Variants in MRE11 observed in about 807,000 individuals in gnomAD.
The protein encoded by MRE11 is MRE11 double strand break repair nuclease.
In MRE11, 62 loss-of-function variants were observed where a neutral mutation model predicts 91.7. The ratio of observed to expected loss-of-function variants is 0.68; its 90% CI spans 0.55 to 0.84. The LOEUF (loss-of-function observed/expected upper bound fraction) is 0.84, where lower values mean the gene tolerates loss of function less well. Ranked by LOEUF, MRE11 falls within the 40% of genes least tolerant of loss-of-function variation. The pLI is 0.00. For missense variants in MRE11, 796 were observed against 852.9 expected (o/e 0.93, Z 0.83); for synonymous variants, 273 against 271.4 (o/e 1.01, Z -0.06).
chr11:94,436,906 G>A (rs946991517), intron 17 of MRE11, among the ~76,000 whole-genome samples: 1 of 152,060 alleles, frequency 6.6e-6, no homozygotes, highest in Admixed American at 6.6e-5. Context: ...CCATGTATGA[G>A]CTCTTTTGGT....
At chr11:94,436,643 C>T (rs965645981) in intron 17 of MRE11, among the ~76,000 whole-genome samples, 1 of 152,124 alleles carries the variant, frequency 6.6e-6, no homozygotes, top group Admixed American at 6.5e-5. Flanking sequence ...TTAAGACACA[C>T]AGTTTTGAAA....
At chr11:94,496,688 T>C (rs745628419), upstream of MRE11, 5 of 1,571,230 alleles carry the variant, frequency 3.2e-6, no homozygotes, top group African/African-American at 4.1e-5. Context: ...AGAATAGTAG[T>C]AAAAAATGGA....
intron 10 of MRE11, among the ~76,000 whole-genome samples, 159 bp from the exon 11 acceptor site, chr11:94,464,398 C>T (rs1226699587): frequency 1.3e-5 from 2 of 152,150 alleles, no homozygotes; most frequent in African/African-American, 4.8e-5. Flanking sequence ...TATCATTTAT[C>T]CTACTGAGAA....
chr11:94,461,871 C>T (rs993282650), intron 11 of MRE11, among the ~76,000 whole-genome samples: 1 of 152,144 alleles, frequency 6.6e-6, no homozygotes, highest in East Asian at 1.9e-4. Flanking sequence ...GTCAGGAGAT[C>T]GAGACCAACC....
intron 14 of MRE11, among the ~76,000 whole-genome samples, chr11:94,455,276 G>A (rs1394573534): frequency 6.6e-6 from 1 of 152,008 alleles, no homozygotes; most frequent in Non-Finnish European, 1.5e-5. Flanking sequence ...TGGGCACCTA[G>A]GAAAAATAAT....
At chr11:94,432,319 T>TATTCTCC (rs1490672454) in intron 18 of MRE11, among the ~76,000 whole-genome samples, 1 of 152,238 alleles carries the variant, frequency 6.6e-6, no homozygotes, top group Non-Finnish European at 1.5e-5. Flanking sequence ...TCTGCAACTC[T>TATTCTCC]ATACTCTCCC....
intron 14 of MRE11, among the ~76,000 whole-genome samples, chr11:94,452,107 G>A (rs993849761): frequency 1.3e-5 from 2 of 149,264 alleles, no homozygotes; most frequent in Non-Finnish European, 3.0e-5. Flanking sequence ...TGAAGCACGA[G>A]AATCACCTGA....
intron 19 of MRE11, among the ~76,000 whole-genome samples, chr11:94,424,280 C>T (rs1945251092): frequency 6.6e-6 from 1 of 152,176 alleles, no homozygotes; most frequent in East Asian, 1.9e-4. Flanking sequence ...CTGTGACACC[C>T]AGGGCAAGAA....
chr11:94,471,460 A>T, intron 8 of MRE11, 114 bp downstream of exon 8: 1 of 929,750 alleles, frequency 1.1e-6, no homozygotes, highest in Non-Finnish European at 1.7e-6. Flanking sequence ...GCTATCATAT[A>T]AATGACAATA....
intron 19 of MRE11, among the ~76,000 whole-genome samples, chr11:94,425,847 C>G (rs1000784141): frequency 6.6e-6 from 1 of 152,084 alleles, no homozygotes; most frequent in African/African-American, 2.4e-5. Context: ...TTCTGCTTAA[C>G]CTAAAAAAAG....
intron 7 of MRE11, among the ~76,000 whole-genome samples, chr11:94,476,087 T>C (rs1475463597): frequency 6.6e-6 from 1 of 152,188 alleles, no homozygotes; most frequent in Non-Finnish European, 1.5e-5. Flanking sequence ...GCCTTATCCT[T>C]ATGTTACAAA....
Position 94,435,841 on chromosome 11 carries a change from G to A in MRE11, c.1985C>T (p.Thr662Ile). 1 of 1,613,102 alleles carries A rather than the reference G, an allele frequency of 6.2e-7. No individual in the cohort carries two copies. Among genetic ancestry groups the A allele is most frequent in the Non-Finnish European group, 8.5e-7 (1 of 1,179,342 alleles). Residue 662 changes from threonine (T) to isoleucine (I), a missense_variant, in exon 18 of 20, where the codon ACA becomes ATA. By Grantham distance (89) the Thr-to-Ile change is moderately conservative. Coordinates refer to ENST00000323929, the MANE Select transcript of MRE11 (RefSeq NM_005591.4). ...AAATCACTGCACCTACCTTTGATCT[G>A]TCTTTGAAGTGGTAGGAAAAATGTC... ...EEDIFPTTSK[T>I]DQRWSSTSSS...
At chr11:94,428,061 C>A (rs892191732) in intron 19 of MRE11, among the ~76,000 whole-genome samples, 3 of 152,084 alleles carry the variant, frequency 2.0e-5, no homozygotes, top group Non-Finnish European at 4.4e-5. Context: ...CACATGGAAC[C>A]AAAGAAGAAC....
intron 2 of MRE11, among the ~76,000 whole-genome samples, chr11:94,491,896 GATACTTTTCAAATCAT>G (rs1238507292): frequency 6.6e-6 from 1 of 151,954 alleles, no homozygotes; most frequent in Non-Finnish European, 1.5e-5. Flanking sequence ...AGGTAGGTCA[GATACTTTTCAAATCAT>G]AATACTACAT....
At chr11:94,437,961 C>A (rs182141570) in intron 16 of MRE11, among the ~76,000 whole-genome samples, 2 of 152,014 alleles carry the variant, frequency 1.3e-5, no homozygotes, top group Non-Finnish European at 2.9e-5. Flanking sequence ...CCCAACTCTA[C>A]TAAAAAATAT....
At chr11:94,423,777 G>A (rs1004792064) in intron 19 of MRE11, among the ~76,000 whole-genome samples, 2 of 152,246 alleles carry the variant, frequency 1.3e-5, no homozygotes, top group South Asian at 2.1e-4. Flanking sequence ...CCAGACGATG[G>A]AGCCACAGGC....
intron 19 of MRE11, among the ~76,000 whole-genome samples, chr11:94,429,003 A>G (rs2134784311): frequency 6.6e-6 from 1 of 152,346 alleles, no homozygotes. Context: ...GTAAGGAAAA[A>G]TCAAATAACT....
At chr11:94,506,991 T>G in the MRE11 span, among the ~76,000 whole-genome samples, 1 of 152,186 alleles carries the variant, frequency 6.6e-6, no homozygotes, top group Non-Finnish European at 1.5e-5. Context: ...TAAAATATTC[T>G]TAATTTTTGT....
intron 14 of MRE11, among the ~76,000 whole-genome samples, chr11:94,451,064 C>G (rs372804708): frequency 6.6e-6 from 1 of 151,890 alleles, no homozygotes; most frequent in Non-Finnish European, 1.5e-5. Context: ...TCAGGAAGAT[C>G]ACTTGAGCCC....
Sources: gnomAD v4.1 joint callset for allele counts (sites outside exome capture counted in the v4.1 genomes callset) on GRCh38, gnomAD v4.1.1 for gene constraint, MANE v1.5 for transcripts, NCBI Gene and HGNC (gene_info 2026-07-23, HGNC 2026-07-21) for gene names.